Variants in CACNA2D3 observed in about 807,000 individuals in gnomAD.
The protein encoded by CACNA2D3 is voltage-dependent calcium channel subunit alpha-2/delta-3.
Under a neutral mutation model 160.6 loss-of-function variants are expected in CACNA2D3, and 60 were observed. The ratio of observed to expected loss-of-function variants is 0.37; its 90% CI spans 0.30 to 0.46. The LOEUF (loss-of-function observed/expected upper bound fraction) is 0.46. CACNA2D3 is among the 20% of genes least tolerant of loss of function. The pLI is 1.00. For missense variants in CACNA2D3, 1,205 were observed against 1,365.0 expected (o/e 0.88, Z 1.85); for synonymous variants, 558 against 492.9 (o/e 1.13, Z -1.75).
intron 5 of CACNA2D3, among the ~76,000 whole-genome samples, chr3:54,560,054 G>T (rs897809564): frequency 3.9e-5 from 6 of 152,258 alleles, no homozygotes; most frequent in African/African-American, 1.2e-4. Context: ...ATATGCATGG[G>T]TGTATCTTTA....
intron 27 of CACNA2D3, among the ~76,000 whole-genome samples, chr3:54,961,126 G>A (rs756897053): frequency 1.3e-5 from 2 of 152,210 alleles, no homozygotes; most frequent in East Asian, 1.9e-4. Context: ...ACAGTTGACC[G>A]TTAACTAAGG....
chr3:54,904,488 T>A (rs1374207388), intron 27 of CACNA2D3, among the ~76,000 whole-genome samples: 1 of 152,186 alleles, frequency 6.6e-6, no homozygotes, highest in African/African-American at 2.4e-5. Context: ...TTGTTAACAA[T>A]TTCAGACTTC....
intron 11 of CACNA2D3, among the ~76,000 whole-genome samples, chr3:54,724,031 C>T (rs192744325): frequency 3.3e-5 from 5 of 152,136 alleles, no homozygotes; most frequent in South Asian, 2.1e-4. Context: ...ACCCATCTCA[C>T]GTGCAGACAC....
intron 13 of CACNA2D3, among the ~76,000 whole-genome samples, chr3:54,785,319 T>C (rs1055868555): frequency 1.3e-5 from 2 of 152,316 alleles, no homozygotes; most frequent in South Asian, 2.1e-4. Context: ...GCTTCTCCAA[T>C]TGAAGAATGG....
At chr3:54,999,084 A>G (rs1190423646) in intron 31 of CACNA2D3, among the ~76,000 whole-genome samples, 1 of 152,194 alleles carries the variant, frequency 6.6e-6, no homozygotes, top group Non-Finnish European at 1.5e-5. Flanking sequence ...TGGAGGGCTC[A>G]AAGGCAGTAG....
At chr3:54,619,623 C>G (rs764835654) in intron 9 of CACNA2D3, among the ~76,000 whole-genome samples, 7 of 152,210 alleles carry the variant, frequency 4.6e-5, no homozygotes, top group Non-Finnish European at 7.3e-5. Context: ...ACTGTCTCCC[C>G]CAAATTGCAA....
intron 2 of CACNA2D3, among the ~76,000 whole-genome samples, chr3:54,204,482 G>GA (rs1701235156): frequency 6.6e-6 from 1 of 152,054 alleles, no homozygotes; most frequent in Non-Finnish European, 1.5e-5. Context: ...AAAACAATCA[G>GA]AAAAAAGGAA....
intron 13 of CACNA2D3, among the ~76,000 whole-genome samples, chr3:54,811,403 G>C (rs535493035): frequency 1.1e-3 from 170 of 147,914 alleles, no homozygotes; most frequent in African/African-American, 4.1e-3. Flanking sequence ...ACTCTACCTG[G>C]GGTCAGACTA....
chr3:54,426,144 G>T (rs1393951857), intron 4 of CACNA2D3, among the ~76,000 whole-genome samples: 1 of 152,198 alleles, frequency 6.6e-6, no homozygotes, highest in African/African-American at 2.4e-5. Context: ...GAGAAGAGGG[G>T]AGGGGCCCCT....
chr3:54,670,887 A>G (rs1700147699), intron 11 of CACNA2D3, among the ~76,000 whole-genome samples: 1 of 152,156 alleles, frequency 6.6e-6, no homozygotes, highest in African/African-American at 2.4e-5. Context: ...GAATCTGCCC[A>G]TCAACCCCAG....
chr3:54,785,849 T>C (rs1348731057), intron 13 of CACNA2D3, among the ~76,000 whole-genome samples: 1 of 152,140 alleles, frequency 6.6e-6, no homozygotes, highest in Non-Finnish European at 1.5e-5. Context: ...AGTATACATC[T>C]CATATATTTT....
chr3:54,730,014 A>T (rs1011629270), intron 11 of CACNA2D3, among the ~76,000 whole-genome samples: 3 of 151,872 alleles, frequency 2.0e-5, no homozygotes, highest in Non-Finnish European at 4.4e-5. Context: ...AAAAAAAAAA[A>T]AAAAAAATTA....
chr3:54,919,805 C>A (rs1476516216), intron 27 of CACNA2D3, among the ~76,000 whole-genome samples: 1 of 152,252 alleles, frequency 6.6e-6, no homozygotes, highest in Non-Finnish European at 1.5e-5. Context: ...ATACTCCACT[C>A]TTGTAGGTAA....
At chr3:54,357,080 T>C (rs1266750204) in intron 3 of CACNA2D3, among the ~76,000 whole-genome samples, 1 of 152,154 alleles carries the variant, frequency 6.6e-6, no homozygotes, top group Non-Finnish European at 1.5e-5. Flanking sequence ...TTAGCTTTGG[T>C]TCCTCTTGGT....
intron 12 of CACNA2D3, among the ~76,000 whole-genome samples, chr3:54,763,780 CATATATATGTATATATAT>C (rs1702145848): frequency 3.9e-5 from 1 of 25,712 alleles, no homozygotes; most frequent in African/African-American, 1.2e-4. Flanking sequence ...TATATATGTA[CATATATATGTATATATAT>C]GTACATATAT....
intron 4 of CACNA2D3, among the ~76,000 whole-genome samples, chr3:54,387,232 C>T (rs1427846523): frequency 6.6e-6 from 1 of 152,204 alleles, no homozygotes; most frequent in Admixed American, 6.5e-5. Context: ...TTCAAATATC[C>T]ATTTCATTAA....
chr3:54,673,215 G>A (rs1212496238), intron 11 of CACNA2D3, among the ~76,000 whole-genome samples: 1 of 152,160 alleles, frequency 6.6e-6, no homozygotes, highest in Non-Finnish European at 1.5e-5. Flanking sequence ...TGGGAAATTT[G>A]GACCACATCA....
At chr3:54,659,296 G>A (rs1699928239) in intron 11 of CACNA2D3, among the ~76,000 whole-genome samples, 1 of 152,158 alleles carries the variant, frequency 6.6e-6, no homozygotes, top group South Asian at 2.1e-4. Context: ...GTGCGTTCAG[G>A]GAGCCTTTGG....
intron 4 of CACNA2D3, among the ~76,000 whole-genome samples, chr3:54,407,054 A>T (rs770690396): frequency 1.2e-4 from 18 of 152,182 alleles, no homozygotes; most frequent in Non-Finnish European, 2.1e-4. Context: ...ACTATATTGT[A>T]AACAAGAGCA....
Sources: gnomAD v4.1 joint callset for allele counts (sites outside exome capture counted in the v4.1 genomes callset) on GRCh38, gnomAD v4.1.1 for gene constraint, MANE v1.5 for transcripts, NCBI Gene and HGNC (gene_info 2026-07-23, HGNC 2026-07-21) for gene names.